Variants in CAMKMT observed in about 807,000 individuals in gnomAD.
CAMKMT encodes CaM KMT.
Under a neutral mutation model 48.0 loss-of-function variants are expected in CAMKMT, and 53 were observed. That is an observed-to-expected ratio of 1.10 (90% CI 0.89 to 1.39). CAMKMT has a LOEUF of 1.39. CAMKMT is among the 40% of genes most tolerant of loss of function. The pLI is 0.00. For synonymous variants in CAMKMT, 165 were observed against 152.3 expected (o/e 1.08, Z -0.61); for missense variants, 428 against 402.7 (o/e 1.06, Z -0.54).
At chr2:44,614,271 T>C (rs1287357524) in intron 3 of CAMKMT, among the ~76,000 whole-genome samples, 1 of 152,166 alleles carries the variant, frequency 6.6e-6, no homozygotes, top group Admixed American at 6.5e-5. Flanking sequence ...GAAACTTGAG[T>C]GTCTTCCCTG....
At chr2:44,417,394 CA>C (rs1683631949) in intron 3 of CAMKMT, among the ~76,000 whole-genome samples, 1 of 151,784 alleles carries the variant, frequency 6.6e-6, no homozygotes, top group South Asian at 2.1e-4. Flanking sequence ...GACTCTGTCT[CA>C]AAAAATAAAA....
At chr2:44,740,441 A>G (rs902976058) in intron 7 of CAMKMT, among the ~76,000 whole-genome samples, 8 of 152,084 alleles carry the variant, frequency 5.3e-5, no homozygotes, top group African/African-American at 1.4e-4. Flanking sequence ...GATTGCTGCA[A>G]TTTTGACAGT....
intron 3 of CAMKMT, among the ~76,000 whole-genome samples, chr2:44,554,103 A>G (rs1667873623): frequency 6.6e-6 from 1 of 152,200 alleles, no homozygotes; most frequent in South Asian, 2.1e-4. Flanking sequence ...TTGCTAACTC[A>G]TTCATTCATT....
chr2:44,740,106 T>C (rs1679588979), intron 7 of CAMKMT, among the ~76,000 whole-genome samples: 1 of 151,048 alleles, frequency 6.6e-6, no homozygotes, highest in Non-Finnish European at 1.5e-5. Context: ...TTTATGGAAG[T>C]TCTTAACTGA....
chr2:44,674,221 A>G (rs1675536884), intron 3 of CAMKMT, among the ~76,000 whole-genome samples: 1 of 152,210 alleles, frequency 6.6e-6, no homozygotes, highest in African/African-American at 2.4e-5. Context: ...TGTTTGAATG[A>G]TGTAAGAAGG....
At chr2:44,632,249 C>G (rs72867748) in intron 3 of CAMKMT, among the ~76,000 whole-genome samples, 4,006 of 152,184 alleles carry the variant, frequency 0.026, 150 homozygotes, top group African/African-American at 0.085. Context: ...TGCAAGTCTG[C>G]TAGTAATATC....
chr2:44,404,594 C>G (rs1278582331), intron 3 of CAMKMT, among the ~76,000 whole-genome samples: 1 of 151,994 alleles, frequency 6.6e-6, no homozygotes, highest in East Asian at 1.9e-4. Flanking sequence ...CTTAAATTTC[C>G]CACTCAGACC....
chr2:44,664,076 G>C (rs1326747821), intron 3 of CAMKMT, among the ~76,000 whole-genome samples: 2 of 152,170 alleles, frequency 1.3e-5, no homozygotes, highest in Non-Finnish European at 2.9e-5. Flanking sequence ...TCTTCAGTCT[G>C]TAAGTAGTTA....
chr2:44,399,770 G>A (rs983602721), intron 3 of CAMKMT, among the ~76,000 whole-genome samples: 2 of 152,114 alleles, frequency 1.3e-5, no homozygotes, highest in African/African-American at 4.8e-5. Flanking sequence ...CTTGCAGGAG[G>A]TGAGCCTGGG....
chr2:44,652,014 T>C (rs1164883647), intron 3 of CAMKMT, among the ~76,000 whole-genome samples: 1 of 152,228 alleles, frequency 6.6e-6, no homozygotes, highest in Non-Finnish European at 1.5e-5. Flanking sequence ...TATATGTGCA[T>C]TATATGATTA....
At chr2:44,588,290 C>A (rs1670011699) in intron 3 of CAMKMT, among the ~76,000 whole-genome samples, 1 of 67,964 alleles carries the variant, frequency 1.5e-5, no homozygotes, top group Non-Finnish European at 3.0e-5. Flanking sequence ...GGCAGCCACC[C>A]CGTCCGGGAG....
chr2:44,677,565 G>A (rs1675779479), intron 3 of CAMKMT, among the ~76,000 whole-genome samples: 1 of 152,046 alleles, frequency 6.6e-6, no homozygotes, highest in Non-Finnish European at 1.5e-5. Context: ...AAAATTAGCT[G>A]GGCATGGTGG....
At chr2:44,714,848 C>A (rs1387610351) in intron 6 of CAMKMT, among the ~76,000 whole-genome samples, 1 of 152,198 alleles carries the variant, frequency 6.6e-6, no homozygotes, top group Non-Finnish European at 1.5e-5. Flanking sequence ...CAGCATCCTG[C>A]TTCACACCTC....
At chr2:44,706,435 C>T in intron 5 of CAMKMT, 94 bp downstream of exon 5, 9 of 1,221,892 alleles carry the variant, frequency 7.4e-6, no homozygotes, top group Non-Finnish European at 9.7e-6. Flanking sequence ...GAACCGTCAA[C>T]AGCATCAGCT....
intron 3 of CAMKMT, among the ~76,000 whole-genome samples, chr2:44,484,625 C>T (rs1302103482): frequency 2.0e-5 from 3 of 150,876 alleles, no homozygotes; most frequent in Admixed American, 6.6e-5. Flanking sequence ...AGCAGTAAAG[C>T]TTCTAACATT....
At chr2:44,552,472 T>C (rs1483887342) in intron 3 of CAMKMT, among the ~76,000 whole-genome samples, 1 of 152,112 alleles carries the variant, frequency 6.6e-6, no homozygotes, top group Non-Finnish European at 1.5e-5. Context: ...TTACAGTCAA[T>C]AACAACTCCA....
At chr2:44,540,576 C>T (rs1267686412) in intron 3 of CAMKMT, among the ~76,000 whole-genome samples, 1 of 152,150 alleles carries the variant, frequency 6.6e-6, no homozygotes, top group African/African-American at 2.4e-5. Flanking sequence ...CATGGCAAAA[C>T]CTCATCTCTA....
chr2:44,703,528 C>T (rs1252010954), intron 3 of CAMKMT, among the ~76,000 whole-genome samples: 1 of 151,932 alleles, frequency 6.6e-6, no homozygotes, highest in East Asian at 1.9e-4. Flanking sequence ...ACTTGTAATC[C>T]CAGCACTTTG....
At chr2:44,476,796 G>A (rs1423453281) in intron 3 of CAMKMT, among the ~76,000 whole-genome samples, 2 of 152,164 alleles carry the variant, frequency 1.3e-5, no homozygotes, top group African/African-American at 2.4e-5. Flanking sequence ...GGCAAGCCAT[G>A]TAATTTACTT....
Sources: gnomAD v4.1 joint callset for allele counts (sites outside exome capture counted in the v4.1 genomes callset) on GRCh38, gnomAD v4.1.1 for gene constraint, MANE v1.5 for transcripts, NCBI Gene and HGNC (gene_info 2026-07-23, HGNC 2026-07-21) for gene names.